P2RX5: variants seen among roughly 807,000 people sequenced by gnomAD.
P2RX5 encodes purinergic receptor P2X 5.
In P2RX5, 46 loss-of-function variants were observed where a neutral mutation model predicts 54.1. The observed-to-expected ratio is 0.85, with a 90% confidence interval of 0.67 to 1.09. The LOEUF is 1.09. Among genes scored for constraint, P2RX5 ranks in the 50% least tolerant of loss-of-function variants. The pLI, the probability that P2RX5 is intolerant of heterozygous loss-of-function variation, is 0.00. For synonymous variants in P2RX5, 226 were observed against 226.4 expected (o/e 1.00, Z 0.02); for missense variants, 566 against 549.8 (o/e 1.03, Z -0.29).
the P2RX5 span, among the ~76,000 whole-genome samples, chr17:3,715,447 G>A: frequency 1.3e-5 from 2 of 152,156 alleles, no homozygotes; most frequent in Non-Finnish European, 1.5e-5. Context: ...TCTCTAGACC[G>A]CTTTCAGGGA....
intron 7 of P2RX5, 64 bp from the exon 8 acceptor site, chr17:3,688,823 C>A: frequency 6.3e-7 from 1 of 1,578,684 alleles, no homozygotes; most frequent in Non-Finnish European, 8.7e-7. Context: ...CATCCCAGGC[C>A]AGCCCTTCAC....
rs755866535 is a variant in P2RX5, at chr17:3,688,762, T to G, written c.754-3A>C. Reference sequence around the variant, plus strand: ...ATATTAATTCCTATCACGCCACCCTTGATAAAAGAGAGATGAGGGTCAGCA... The same window carrying G: ...ATATTAATTCCTATCACGCCACCCTGGATAAAAGAGAGATGAGGGTCAGCA... On this transcript the variant is annotated splice_polypyrimidine_tract_variant and splice_region_variant and intron_variant, in intron 7 of 11. Coordinates refer to ENST00000225328, the MANE Select transcript of P2RX5 (RefSeq NM_002561.4). 6.2e-7 allele frequency: 1 copy of G among 1,613,810 alleles called. No individual in the cohort carries two copies. Among genetic ancestry groups the G allele is most frequent in the African/African-American group, 1.3e-5 (1 of 74,880 alleles).
intron 10 of P2RX5, 121 bp downstream of exon 10, chr17:3,681,775 C>T (rs1171565227): frequency 1.2e-5 from 9 of 742,618 alleles, no homozygotes; most frequent in Middle Eastern, 3.5e-4. Flanking sequence ...TTCTCCTCCC[C>T]GGGCCCTCCA....
rs2050754500 is a variant in P2RX5 at position 3,696,127 on chromosome 17, G to A, written c.-122C>T. 9.3e-7 allele frequency: 1 copy of A among 1,075,172 alleles called. No homozygotes were observed. The highest frequency in any genetic ancestry group is 1.2e-6 in the Non-Finnish European group (1 of 813,680). The allele number at this position is 1,075,172 out of a possible 1,614,324, so 66.6% of individuals were successfully genotyped here. On this transcript the variant is annotated 5_prime_UTR_variant, in exon 1 of 12. Coordinates refer to ENST00000225328, the MANE Select transcript of P2RX5 (RefSeq NM_002561.4). Reference sequence around the variant, plus strand: ...GCCCGTCTGCGCCCGCTCAGCTGCAGCCCGGGGTGTCCGGCAGGGCTGCGG... The same window carrying A: ...GCCCGTCTGCGCCCGCTCAGCTGCAACCCGGGGTGTCCGGCAGGGCTGCGG...
chr17:3,716,574 T>C, the P2RX5 span: 6 of 673,850 alleles, frequency 8.9e-6, no homozygotes, highest in African/African-American at 9.0e-5. Context: ...GAGAAAAAAG[T>C]GGCCACGAGG....
In P2RX5 at chr17:3,690,610, C is replaced by T. The variant is rs745394542; in HGVS notation, c.431G>A (p.Gly144Glu). 2.5e-6 allele frequency: 4 copies of T among 1,613,532 alleles called. No homozygotes were observed. In the South Asian group the frequency reaches 4.4e-5, roughly 18 times the overall value. The change falls in exon 4 of 12, where the codon GGA becomes GAA. Residue 144 changes from glycine to glutamate, a missense_variant. Physicochemically the swap from Gly to Glu is moderately conservative, Grantham distance 98. Coordinates refer to ENST00000225328, the MANE Select transcript of P2RX5 (RefSeq NM_002561.4). ...TGGCCGCTCCAGGCCCTCACCGTTT[C>T]CAGCTGTAACCGCTTCCCCAGCGTG... ...DCHAGEAVTA[G>E]NGVKTGRCLR...
the P2RX5 span, among the ~76,000 whole-genome samples, chr17:3,719,314 A>T: frequency 5.3e-5 from 8 of 151,994 alleles, no homozygotes; most frequent in South Asian, 8.3e-4. Context: ...TTATATTGGC[A>T]TGTCTAGAGA....
chr17:3,714,833 G>C, the P2RX5 span: 1 of 1,525,802 alleles, frequency 6.6e-7, no homozygotes, highest in Non-Finnish European at 9.1e-7. Flanking sequence ...GCCTCTCCCA[G>C]TGGATAGCAG....
the P2RX5 span, among the ~76,000 whole-genome samples, chr17:3,722,642 A>G: frequency 6.6e-6 from 1 of 152,182 alleles, no homozygotes; most frequent in Non-Finnish European, 1.5e-5. Flanking sequence ...AATAGGACAG[A>G]ATAACCCGAT....
chr17:3,696,124 G>T lies in P2RX5; in HGVS notation c.-119C>A. 1 of 1,095,702 alleles carries T rather than the reference G, an allele frequency of 9.1e-7. No individual in the cohort carries two copies. Among genetic ancestry groups the T allele is most frequent in the Non-Finnish European group, 1.2e-6 (1 of 830,714 alleles). 67.9% of individuals were successfully genotyped at this position (1,095,702 alleles called of 1,614,324 possible). ...TCGGCCCGTCTGCGCCCGCTCAGCT[G>T]CAGCCCGGGGTGTCCGGCAGGGCTG... On this transcript the variant is annotated 5_prime_UTR_variant, in exon 1 of 12. Coordinates refer to ENST00000225328, the MANE Select transcript of P2RX5 (RefSeq NM_002561.4).
intron 10 of P2RX5, 146 bp from the exon 11 acceptor site, chr17:3,679,930 AT>A (rs2050193550): frequency 1.4e-6 from 1 of 725,502 alleles, no homozygotes; most frequent in Non-Finnish European, 2.4e-6. Flanking sequence ...TGCTTCCTCC[AT>A]GCGGCTCCCT....
At chr17:3,708,074 A>C in the P2RX5 span, among the ~76,000 whole-genome samples, 9 of 151,424 alleles carry the variant, frequency 5.9e-5, no homozygotes, top group Non-Finnish European at 1.2e-4. Context: ...AAAAAAAAAA[A>C]AAAAAACACC....
intron 9 of P2RX5, among the ~76,000 whole-genome samples, chr17:3,684,718 T>G (rs2050386158): frequency 6.6e-6 from 1 of 152,172 alleles, no homozygotes; most frequent in Admixed American, 6.5e-5. Flanking sequence ...CTCTGTGCAT[T>G]GTGGAATGTT....
rs560990953 is a variant in P2RX5 at position 3,688,907 on chromosome 17, C to A, written c.754-148G>T. 5,712 of 845,108 alleles carry A rather than the reference C, an allele frequency of 6.8e-3. 215 individuals carry two copies. The African/African-American group carries it at 0.086, about 13-fold the overall frequency. 52.4% of individuals were successfully genotyped at this position (845,108 alleles called of 1,614,324 possible). On this transcript the variant is annotated intron_variant, in intron 7 of 11. Coordinates refer to ENST00000225328, the MANE Select transcript of P2RX5 (RefSeq NM_002561.4). ...GAGACCACCCTCCAGGAGGCTTAGTCCCCCCATGGAGCGGCTGAGAACACT... is the reference window on the plus strand; with the variant it reads ...GAGACCACCCTCCAGGAGGCTTAGTACCCCCATGGAGCGGCTGAGAACACT...
At chr17:3,681,787 C>T (rs2050290609) in intron 10 of P2RX5, 109 bp downstream of exon 10, 2 of 785,566 alleles carry the variant, frequency 2.5e-6, no homozygotes, top group Admixed American at 1.9e-5. Flanking sequence ...GGCCCTCCAG[C>T]CCCTGCCTCC....
chr17:3,709,314 C>T, the P2RX5 span, among the ~76,000 whole-genome samples: 1 of 152,136 alleles, frequency 6.6e-6, no homozygotes, highest in Admixed American at 6.5e-5. Context: ...GCGACAAAGG[C>T]AAATTTTCAC....
intron 11 of P2RX5, among the ~76,000 whole-genome samples, chr17:3,678,535 C>A (rs2050155152): frequency 6.6e-6 from 1 of 152,204 alleles, no homozygotes; most frequent in South Asian, 2.1e-4. Flanking sequence ...TCTGGGTCTA[C>A]CCCATACGGA....
chr17:3,688,847 TAGG>T, intron 7 of P2RX5, 88 bp from the exon 8 acceptor site: 1 of 1,450,996 alleles, frequency 6.9e-7, no homozygotes, highest in Non-Finnish European at 9.6e-7. Context: ...CACTGGACAA[TAGG>T]AGGAGGTGCT....
rs1338825634 is a variant in P2RX5 at position 3,673,620 on chromosome 17, G to C, written c.*248C>G. On this transcript the variant is annotated 3_prime_UTR_variant, in exon 12 of 12. Coordinates refer to ENST00000225328, the MANE Select transcript of P2RX5 (RefSeq NM_002561.4). Reference sequence around the variant, plus strand: ...TTCCCTAGTGCGGGAAGCCAGCCACGGAGAAAGGAAGAACTGACGGCAGGG... The same window carrying C: ...TTCCCTAGTGCGGGAAGCCAGCCACCGAGAAAGGAAGAACTGACGGCAGGG... 2.1e-6 allele frequency: 3 copies of C among 1,422,750 alleles called. No individual in the cohort carries two copies. The highest frequency in any genetic ancestry group is 2.9e-5 in the African/African-American group (2 of 69,438). 88.1% of individuals were successfully genotyped at this position (1,422,750 alleles called of 1,614,324 possible).
Sources: gnomAD v4.1 joint callset for allele counts (sites outside exome capture counted in the v4.1 genomes callset) on GRCh38, gnomAD v4.1.1 for gene constraint, MANE v1.5 for transcripts, NCBI Gene and HGNC (gene_info 2026-07-23, HGNC 2026-07-21) for gene names.